The following MCC variants were observed in gnomAD, a reference collection of about 807,000 sequenced individuals.
MCC encodes colorectal mutant cancer protein.
MCC carries 90 observed loss-of-function variants against 116.2 expected under a neutral mutation model. The observed-to-expected ratio is 0.77, with a 90% CI of 0.65 to 0.92. The LOEUF (loss-of-function observed/expected upper bound fraction) is 0.92, where lower values mean the gene tolerates loss of function less well. MCC is among the 40% of genes least tolerant of loss of function. The pLI is 0.00. For synonymous variants in MCC, 578 were observed against 510.5 expected (o/e 1.13, Z -1.78); for missense variants, 1,516 against 1,312.2 (o/e 1.16, Z -2.40).
intron 3 of MCC, among the ~76,000 whole-genome samples, chr5:113,303,705 G>A (rs1331210705): frequency 2.6e-5 from 4 of 152,042 alleles, no homozygotes; most frequent in Non-Finnish European, 2.9e-5. Flanking sequence ...CTGTCGCCCA[G>A]GCAATGGCGC....
chr5:113,127,957 T>C (rs1256757441), intron 5 of MCC, among the ~76,000 whole-genome samples: 1 of 152,208 alleles, frequency 6.6e-6, no homozygotes, highest in African/African-American at 2.4e-5. Flanking sequence ...TTGTCTCCCA[T>C]AATCCTCACA....
At chr5:113,294,415 C>T (rs777334312) in intron 3 of MCC, 122 of 1,612,606 alleles carry the variant, frequency 7.6e-5, no homozygotes, top group Non-Finnish European at 3.4e-6. Flanking sequence ...GGCTCTCAGT[C>T]CCCCAGGTCT....
intron 2 of MCC, among the ~76,000 whole-genome samples, chr5:113,345,779 C>T (rs1316646480): frequency 6.6e-6 from 1 of 152,198 alleles, no homozygotes; most frequent in Non-Finnish European, 1.5e-5. Context: ...CAAGCCCAGA[C>T]TGTGAAGACT....
At chr5:113,333,246 A>G (rs761761499) in intron 3 of MCC, among the ~76,000 whole-genome samples, 1 of 151,700 alleles carries the variant, frequency 6.6e-6, no homozygotes, top group Admixed American at 6.6e-5. Flanking sequence ...GATGTGCAGT[A>G]TTCTCCAAAG....
At chr5:113,150,382 C>T (rs1436548193) in intron 4 of MCC, among the ~76,000 whole-genome samples, 1 of 152,102 alleles carries the variant, frequency 6.6e-6, no homozygotes, top group Non-Finnish European at 1.5e-5. Flanking sequence ...GCAGAACATC[C>T]TTATAAACCA....
intron 5 of MCC, among the ~76,000 whole-genome samples, chr5:113,128,204 T>G (rs1287204289): frequency 6.6e-6 from 1 of 152,236 alleles, no homozygotes; most frequent in Non-Finnish European, 1.5e-5. Flanking sequence ...TCATTTTGGG[T>G]GCACATTCAT....
intron 3 of MCC, among the ~76,000 whole-genome samples, chr5:113,290,324 T>G (rs775809736): frequency 6.6e-6 from 1 of 152,232 alleles, no homozygotes; most frequent in East Asian, 1.9e-4. Flanking sequence ...AAGTAAATAG[T>G]GATGCAGAAT....
In MCC at chr5:113,046,685, C is replaced by CAAAAAAAAAAAAAAAAAAAAAAAAA. The variant is rs151183145; in HGVS notation, c.2655+2383_2655+2407dup. Among the ~76,000 whole-genome samples, 65 of 58,388 alleles carry CAAAAAAAAAAAAAAAAAAAAAAAAA rather than the reference C, an allele frequency of 1.1e-3. 2 individuals are homozygous for CAAAAAAAAAAAAAAAAAAAAAAAAA. Among genetic ancestry groups the CAAAAAAAAAAAAAAAAAAAAAAAAA allele is most frequent in the East Asian group, 2.0e-3 (4 of 2,034 alleles). 38.3% of individuals were successfully genotyped at this position (58,388 alleles called of 152,430 possible). A position where few individuals can be genotyped will look rare whatever the true frequency, so the allele number is the denominator to read the frequency against. ...ACTGACTGCTAACAAACTCAAAAGG[C>CAAAAAAAAAAAAAAAAAAAAAAAAA]AAAAAAAAAAAAAAAAAAAAAAAAA... On this transcript the variant is annotated intron_variant, in intron 16 of 18. Transcript: ENST00000408903.
At chr5:113,184,165 A>G (rs2150310459) in intron 3 of MCC, among the ~76,000 whole-genome samples, 1 of 152,268 alleles carries the variant, frequency 6.6e-6, no homozygotes, top group East Asian at 1.9e-4. Flanking sequence ...AGCACCATGC[A>G]TTTGTTGAGA....
At chr5:113,216,120 T>G (rs765883673) in intron 3 of MCC, among the ~76,000 whole-genome samples, 3 of 152,222 alleles carry the variant, frequency 2.0e-5, no homozygotes, top group Non-Finnish European at 2.9e-5. Context: ...TTTATTTACA[T>G]AGTGCCTATG....
chr5:113,301,311 CA>C (rs1317406588), intron 3 of MCC, among the ~76,000 whole-genome samples: 1 of 151,802 alleles, frequency 6.6e-6, no homozygotes, highest in African/African-American at 2.4e-5. Flanking sequence ...ACTAAAAATA[CA>C]AAATTAGCCA....
chr5:113,299,321 A>C (rs1766795484), intron 3 of MCC, among the ~76,000 whole-genome samples: 1 of 64,686 alleles, frequency 1.5e-5, no homozygotes, highest in African/African-American at 8.8e-5. Flanking sequence ...AAAAAAAAAA[A>C]AAAAAAAAAA....
intron 1 of MCC, among the ~76,000 whole-genome samples, chr5:113,464,795 G>A (rs1424709790): frequency 2.7e-5 from 4 of 148,758 alleles, no homozygotes; most frequent in Non-Finnish European, 1.5e-5. Context: ...ATAGCAACAA[G>A]AAAAAAAAAA....
intron 3 of MCC, among the ~76,000 whole-genome samples, chr5:113,257,729 G>A (rs1453629815): frequency 6.6e-6 from 1 of 152,134 alleles, no homozygotes; most frequent in African/African-American, 2.4e-5. Context: ...CTGGGATGTG[G>A]GTGTGTGAAA....
chr5:113,074,983 C>A (rs111555562), intron 11 of MCC, among the ~76,000 whole-genome samples: 1 of 152,262 alleles, frequency 6.6e-6, no homozygotes, highest in African/African-American at 2.4e-5. Flanking sequence ...CAGCCCACCA[C>A]TGCACTGTGG....
rs1755124246 is a variant in MCC at position 113,085,227 on chromosome 5, CG to C, written c.1481del (p.Pro494ArgfsTer9). The C allele has an allele frequency of 6.2e-7, 1 of 1,614,022 alleles. No individual in the cohort carries two copies. The highest frequency in any genetic ancestry group is 1.1e-5 in the South Asian group (1 of 91,084). On this transcript the variant is annotated frameshift_variant, in exon 9 of 19. Coordinates refer to ENST00000408903, the MANE Select transcript of MCC (RefSeq NM_001085377.2). LOFTEE classifies it high-confidence loss of function. Reference sequence around the variant, plus strand: ...TCAGCTCCCCAGTGCTGGGGTTAATCGGGCGGTTGGTGGAAGTGAGGCGGCC... The same window carrying C: ...TCAGCTCCCCAGTGCTGGGGTTAATCGGCGGTTGGTGGAAGTGAGGCGGCC... ...SPGRLTSTNR[P>X]INPSTGELST...
chr5:113,150,351 A>G (rs920216190), intron 4 of MCC, among the ~76,000 whole-genome samples: 1 of 152,214 alleles, frequency 6.6e-6, no homozygotes, highest in African/African-American at 2.4e-5. Flanking sequence ...CAAATCCCAT[A>G]CAAAGTTATA....
chr5:113,459,486 C>T (rs1343183109), intron 1 of MCC, among the ~76,000 whole-genome samples: 2 of 151,342 alleles, frequency 1.3e-5, no homozygotes, highest in African/African-American at 4.9e-5. Context: ...TGCAGTGAGC[C>T]GAGATCCCAC....
intron 2 of MCC, among the ~76,000 whole-genome samples, chr5:113,374,268 T>C (rs1229217821): frequency 2.0e-5 from 3 of 151,924 alleles, no homozygotes; most frequent in African/African-American, 7.3e-5. Context: ...AGAAAATGTC[T>C]TTGCTATGAT....
Sources: gnomAD v4.1 joint callset for allele counts (sites outside exome capture counted in the v4.1 genomes callset) on GRCh38, gnomAD v4.1.1 for gene constraint, MANE v1.5 for transcripts, NCBI Gene and HGNC (gene_info 2026-07-23, HGNC 2026-07-21) for gene names.